Variants in XXYLT1 observed in about 807,000 individuals in gnomAD.
The protein encoded by XXYLT1 is xyloside xylosyltransferase 1, also known as UDP-xylose:alpha-xyloside alpha-1,3-xylosyltransferase.
A neutral mutation model predicts 28.9 loss-of-function variants in XXYLT1; 20 were observed. The ratio of observed to expected loss-of-function variants is 0.69; its 90% CI spans 0.49 to 1.00. XXYLT1 has a LOEUF of 1.00. Among genes scored for constraint, XXYLT1 ranks in the 50% least tolerant of loss-of-function variants. The pLI is 0.00. For missense variants in XXYLT1, 542 were observed against 560.1 expected, an observed-to-expected ratio of 0.97 and a Z score of 0.33; for synonymous variants, 257 against 253.8, an observed-to-expected ratio of 1.01 and a Z score of -0.12.
At chr3:195,106,599 GC>G in intron 3 of XXYLT1, among the ~76,000 whole-genome samples, 1 of 152,338 alleles carries the variant, frequency 6.6e-6, no homozygotes, top group Admixed American at 6.5e-5. Context: ...CGAGACCCCT[GC>G]CGGCGAGGCG....
At chr3:195,156,107 G>T (rs1199427472) in intron 3 of XXYLT1, among the ~76,000 whole-genome samples, 1 of 152,162 alleles carries the variant, frequency 6.6e-6, no homozygotes, top group Non-Finnish European at 1.5e-5. Context: ...GGCCAAGAAA[G>T]CCCAGCTGGT....
chr3:195,174,852 G>A (rs80034707), intron 2 of XXYLT1, among the ~76,000 whole-genome samples: 515 of 151,762 alleles, frequency 3.4e-3, no homozygotes, highest in Non-Finnish European at 5.7e-3. Flanking sequence ...GGACTCAAGC[G>A]ATCCTCCCTC....
In XXYLT1 at chr3:195,141,012, C is replaced by G. The variant is rs571840142; in HGVS notation, c.785+15437G>C. On this transcript the variant is annotated intron_variant, in intron 3 of 3. Coordinates refer to ENST00000310380, the MANE Select transcript of XXYLT1 (RefSeq NM_152531.5). ...TGCCTCACCTCTCCCTACCTCTGCT[C>G]TCTCCATCATAAGAGGATACAAGAC... Among the ~76,000 whole-genome samples the G allele has an allele frequency of 3.9e-5, 6 of 152,296 alleles. No homozygotes were observed. The East Asian group carries it at 5.8e-4, about 15-fold the overall frequency.
rs1217761584 is a variant in XXYLT1 at position 195,216,452 on chromosome 3, AG to A, written c.652+10256del. Among the ~76,000 whole-genome samples, 501 of 150,732 alleles carry A rather than the reference AG, an allele frequency of 3.3e-3. 1 individual carries two copies. Among genetic ancestry groups the A allele is most frequent in the African/African-American group, 0.012 (477 of 41,144 alleles). ...AGAAAAAAAGAGAGAAGAATCAAAT[AG>A]ACGCAATAAAAAATGATAAAGGGGA... On this transcript the variant is annotated intron_variant, in intron 2 of 3. Coordinates refer to ENST00000310380, the MANE Select transcript of XXYLT1 (RefSeq NM_152531.5).
chr3:195,269,010 A>G (rs934291639), intron 1 of XXYLT1, among the ~76,000 whole-genome samples: 2 of 152,224 alleles, frequency 1.3e-5, no homozygotes, highest in East Asian at 1.9e-4. Context: ...GTATCTGAAG[A>G]TGGGCAAGAC....
In XXYLT1 at chr3:195,178,597, C is replaced by T. The variant is rs368494758; in HGVS notation, c.653-22016G>A. On this transcript the variant is annotated intron_variant, in intron 2 of 3. Transcript: ENST00000310380. ...GCAGAGGCAGAGCTCCCTGGTTTCA[C>T]GCAGGGAGCTGAGAATAGCCCTGTA... Among the ~76,000 whole-genome samples the T allele has an allele frequency of 7.9e-5, 12 of 152,310 alleles. No individual in the cohort carries two copies. In the East Asian group the frequency reaches 1.7e-3, roughly 22 times the overall value.
chr3:195,270,982 G>A lies in XXYLT1; in HGVS notation c.77C>T (p.Ala26Val), dbSNP rs1031379788. ...GGCCAGCGCCGCGGCCAGCAGCAGG[G>A]CGCAGTAGTGGGAGCGCACAGCGCC... is the stretch of plus-strand genomic sequence containing the variant. ...RLGAVRSHYC[A>V]LLLAAALAVC... The change falls in exon 1 of 4, where the codon GCC becomes GTC. Residue 26 changes from alanine to valine, a missense_variant. Ala to Val is a moderately conservative substitution (Grantham distance 64). Coordinates refer to ENST00000310380, the MANE Select transcript of XXYLT1 (RefSeq NM_152531.5). 5.3e-5 allele frequency: 78 copies of A among 1,484,796 alleles called. No individual in the cohort carries two copies. Among genetic ancestry groups the A allele is most frequent in the Non-Finnish European group, 6.9e-5 (77 of 1,121,332 alleles). The allele number at this position is 1,484,796 out of a possible 1,614,324, so 92.0% of individuals were successfully genotyped here.
chr3:195,156,425 G>T, intron 3 of XXYLT1, 24 bp downstream of exon 3: 1 of 1,609,630 alleles, frequency 6.2e-7, no homozygotes. Context: ...TCGTGGAGGC[G>T]GCCCCCCTGC....
At chr3:195,253,255 C>A (rs770653973) in intron 1 of XXYLT1, among the ~76,000 whole-genome samples, 4 of 152,114 alleles carry the variant, frequency 2.6e-5, no homozygotes, top group Non-Finnish European at 1.5e-5. Context: ...TGGAACAAAT[C>A]CCCCAAAGAC....
intron 2 of XXYLT1, 76 bp downstream of exon 2, chr3:195,226,633 G>T: frequency 6.5e-7 from 1 of 1,544,280 alleles, no homozygotes; most frequent in Non-Finnish European, 8.8e-7. Context: ...TACAGGGCCT[G>T]GGCAGTGTTG....
At chr3:195,101,324 T>C (rs1237298277) in intron 3 of XXYLT1, among the ~76,000 whole-genome samples, 1 of 152,266 alleles carries the variant, frequency 6.6e-6, no homozygotes, top group African/African-American at 2.4e-5. Context: ...CATCAAAATC[T>C]CTTAAATCAC....
At chr3:195,170,501 T>C (rs182638838) in intron 2 of XXYLT1, among the ~76,000 whole-genome samples, 1 of 152,322 alleles carries the variant, frequency 6.6e-6, no homozygotes, top group East Asian at 1.9e-4. Flanking sequence ...CACAAGATGG[T>C]TGACTGGACT....
At position 195,185,916 on chromosome 3, in the gene XXYLT1, G is replaced by A. The variant is rs189232607; in HGVS notation, c.653-29335C>T. On this transcript the variant is annotated intron_variant, in intron 2 of 3. Coordinates refer to ENST00000310380, the MANE Select transcript of XXYLT1 (RefSeq NM_152531.5). ...CTTTCACTCAGACCTTTCTTTTCCT[G>A]TGAAGGCTTCCTGCTCCCTTGGCCC... Among the ~76,000 whole-genome samples, 810 of 152,102 alleles carry A rather than the reference G, an allele frequency of 5.3e-3. 4 individuals carry two copies. Among genetic ancestry groups the A allele is most frequent in the Middle Eastern group, 0.014 (4 of 294 alleles).
At chr3:195,075,947 T>G (rs1393057499) in intron 3 of XXYLT1, among the ~76,000 whole-genome samples, 4 of 151,978 alleles carry the variant, frequency 2.6e-5, no homozygotes, top group African/African-American at 9.7e-5. Flanking sequence ...AGGAGAGGAC[T>G]GCTGGGGCAC....
rs1300698439 is a variant in XXYLT1, at chr3:195,129,337, T to C, written c.785+27112A>G. Among the ~76,000 whole-genome samples, 1 of 152,224 alleles carries C rather than the reference T, an allele frequency of 6.6e-6. No individual in the cohort carries two copies. Among genetic ancestry groups the C allele is most frequent in the Non-Finnish European group, 1.5e-5 (1 of 68,042 alleles). ...GTATGCTCACAGAGTTGTGTAACTA[T>C]GACACAATTTTAGAATATTTTCATC... On this transcript the variant is annotated intron_variant, in intron 3 of 3. Coordinates refer to ENST00000310380, the MANE Select transcript of XXYLT1 (RefSeq NM_152531.5). This position sits in a 1 kb window ranked among gnomAD's most constrained non-coding sequence, Gnocchi z 4.4.
intron 1 of XXYLT1, among the ~76,000 whole-genome samples, chr3:195,258,926 C>T (rs1725577786): frequency 6.6e-6 from 1 of 152,198 alleles, no homozygotes; most frequent in Non-Finnish European, 1.5e-5. Context: ...GCTGCACTGC[C>T]CTCCAACTGA....
chr3:195,147,340 C>T (rs1299983642), intron 3 of XXYLT1, among the ~76,000 whole-genome samples: 1 of 152,126 alleles, frequency 6.6e-6, no homozygotes, highest in Non-Finnish European at 1.5e-5. Flanking sequence ...GAAGCCCAGG[C>T]AGGTGGATCA....
chr3:195,109,748 T>TGTGTGTG (rs1717390304), intron 3 of XXYLT1, among the ~76,000 whole-genome samples: 1 of 63,662 alleles, frequency 1.6e-5, no homozygotes, highest in African/African-American at 4.5e-5. Context: ...TGTGTTCAGG[T>TGTGTGTG]ATGTATGTGA....
chr3:195,068,715 G>C lies in XXYLT1; in HGVS notation c.*1000C>G, dbSNP rs1714636709. ...CCCACTTCAGCCTCCCAAGTAGCCGGGACAACAAGCACAAGCCACCACACC... is the reference window on the plus strand; with the variant it reads ...CCCACTTCAGCCTCCCAAGTAGCCGCGACAACAAGCACAAGCCACCACACC... On this transcript the variant is annotated 3_prime_UTR_variant, in exon 4 of 4. Coordinates refer to ENST00000310380, the MANE Select transcript of XXYLT1 (RefSeq NM_152531.5). 6.6e-6 allele frequency: 1 copy of C among 151,876 alleles called. No individual in the cohort carries two copies. The highest frequency in any genetic ancestry group is 1.5e-5 in the Non-Finnish European group (1 of 68,036). The allele number at this position is 151,876 out of a possible 1,614,324, so 9.4% of individuals were successfully genotyped here. A position where few individuals can be genotyped will look rare whatever the true frequency, so the allele number is the denominator to read the frequency against.
Sources: allele counts gnomAD v4.1 joint callset (sites outside exome capture counted in the v4.1 genomes callset), GRCh38; gene constraint gnomAD v4.1.1; non-coding constraint Gnocchi (gnomAD v3.1); transcripts MANE v1.5; gene names NCBI Gene and HGNC (gene_info 2026-07-23, HGNC 2026-07-21).